The following RBFOX1 variants were observed in gnomAD, a reference collection of about 807,000 sequenced individuals.
RBFOX1 encodes RNA binding protein fox-1 homolog 1.
RBFOX1 carries 8 observed loss-of-function variants against 57.7 expected under a neutral mutation model. The ratio of observed to expected loss-of-function variants is 0.14; its 90% CI spans 0.08 to 0.25. The LOEUF is 0.25. Ranked by LOEUF, RBFOX1 falls within the 10% of genes least tolerant of loss-of-function variation. The probability of loss-of-function intolerance (pLI) is 1.00; values close to 1 mark genes in which losing one functional copy is unlikely to be tolerated. For synonymous variants in RBFOX1, 326 were observed against 222.4 expected, an observed-to-expected ratio of 1.47 and a Z score of -4.15; for missense variants, 611 against 548.5, an observed-to-expected ratio of 1.11 and a Z score of -1.14.
At chr16:6,269,310 T>C (rs895497892) in intron 1 of RBFOX1, among the ~76,000 whole-genome samples, 1 of 152,214 alleles carries the variant, frequency 6.6e-6, no homozygotes, top group African/African-American at 2.4e-5. Context: ...TGGAATATTT[T>C]TGATGTGTGG....
chr16:7,254,366 T>C (rs1194060161), intron 4 of RBFOX1, among the ~76,000 whole-genome samples: 1 of 152,128 alleles, frequency 6.6e-6, no homozygotes, highest in African/African-American at 2.4e-5. Context: ...GTTAATCGGG[T>C]TTATTGGATT....
chr16:6,753,531 C>T (rs1156924350), intron 3 of RBFOX1, among the ~76,000 whole-genome samples: 1 of 152,174 alleles, frequency 6.6e-6, no homozygotes, highest in African/African-American at 2.4e-5. Context: ...TGCCTGTTTT[C>T]TTCTTCTCTT....
At chr16:6,768,797 C>G (rs1327920798) in intron 3 of RBFOX1, among the ~76,000 whole-genome samples, 16 of 149,836 alleles carry the variant, frequency 1.1e-4, no homozygotes, top group Admixed American at 1.0e-3. Flanking sequence ...GGGGCGAACT[C>G]AGCTCACTGC....
At chr16:6,007,273 C>T (rs997710680) in intron 4 of RBFOX1, among the ~76,000 whole-genome samples, 2 of 152,214 alleles carry the variant, frequency 1.3e-5, no homozygotes, top group Non-Finnish European at 1.5e-5. Flanking sequence ...AAGTCAGTTT[C>T]CCGCTTGGAT....
Position 7,469,153 on chromosome 16 carries a change from C to G in RBFOX1, c.28-48994C>G, listed in dbSNP as rs141846107. ...GTTTGACCGTGTTAGCCAGGATGGT[C>G]TCAATCTCCTGACCTCATGATCTAC... On this transcript the variant is annotated intron_variant, in intron 4 of 15. Transcript: ENST00000550418. 2.6e-3 allele frequency among the ~76,000 whole-genome samples: 389 copies of G among 152,154 alleles called. 1 individual carries two copies. The highest frequency in any genetic ancestry group is 8.3e-3 in the African/African-American group (344 of 41,496).
At chr16:7,472,800 G>C (rs2061810848) in intron 4 of RBFOX1, among the ~76,000 whole-genome samples, 1 of 152,158 alleles carries the variant, frequency 6.6e-6, no homozygotes, top group African/African-American at 2.4e-5. Flanking sequence ...TTGTTTGGCA[G>C]AGTTTATTAG....
intron 4 of RBFOX1, among the ~76,000 whole-genome samples, chr16:5,989,964 T>G (rs1341914627): frequency 6.6e-6 from 1 of 151,736 alleles, no homozygotes; most frequent in South Asian, 2.1e-4. Context: ...TTGTGTTTCC[T>G]TCCTTGGAGA....
intron 3 of RBFOX1, among the ~76,000 whole-genome samples, chr16:5,740,350 C>T (rs1252298034): frequency 6.6e-6 from 1 of 152,196 alleles, no homozygotes; most frequent in African/African-American, 2.4e-5. Flanking sequence ...GCAGCACAGT[C>T]CCCCAGGCAC....
chr16:6,908,763 C>T (rs530624090), intron 3 of RBFOX1, among the ~76,000 whole-genome samples: 3 of 152,182 alleles, frequency 2.0e-5, no homozygotes, highest in Non-Finnish European at 4.4e-5. Context: ...ACTGTGCAAT[C>T]TGGGACCAAG....
At chr16:5,286,762 C>T (rs2063404958) in intron 1 of RBFOX1, among the ~76,000 whole-genome samples, 1 of 152,172 alleles carries the variant, frequency 6.6e-6, no homozygotes, top group Non-Finnish European at 1.5e-5. Context: ...GTCTAGATAA[C>T]CTCTGTTGCA....
intron 4 of RBFOX1, among the ~76,000 whole-genome samples, chr16:7,072,913 G>T (rs969175322): frequency 2.6e-5 from 4 of 152,214 alleles, no homozygotes; most frequent in Admixed American, 1.3e-4. Context: ...TGTGGAACCG[G>T]TTGCTACAGA....
chr16:6,361,308 G>C (rs1483094623), intron 2 of RBFOX1, among the ~76,000 whole-genome samples: 1 of 152,078 alleles, frequency 6.6e-6, no homozygotes, highest in Non-Finnish European at 1.5e-5. Context: ...TTAGACACCA[G>C]GAACAAGATT....
intron 3 of RBFOX1, among the ~76,000 whole-genome samples, chr16:5,637,562 T>A (rs2048724096): frequency 6.6e-6 from 1 of 152,240 alleles, no homozygotes; most frequent in Non-Finnish European, 1.5e-5. Context: ...CCTCAATAAA[T>A]CTAGTTTTAA....
intron 5 of RBFOX1, among the ~76,000 whole-genome samples, chr16:7,571,006 C>G (rs2092716250): frequency 1.3e-5 from 2 of 152,160 alleles, no homozygotes; most frequent in Non-Finnish European, 2.9e-5. Context: ...ACTGCATGTT[C>G]TCACTCATAA....
At chr16:6,823,640 C>G (rs915950073) in intron 3 of RBFOX1, among the ~76,000 whole-genome samples, 1 of 152,192 alleles carries the variant, frequency 6.6e-6, no homozygotes, top group Non-Finnish European at 1.5e-5. Flanking sequence ...GATTTTGAAT[C>G]TCCCTATTCT....
chr16:6,473,869 G>A (rs145444973), intron 2 of RBFOX1, among the ~76,000 whole-genome samples: 9 of 152,266 alleles, frequency 5.9e-5, no homozygotes, highest in East Asian at 3.9e-4. Flanking sequence ...TGATTGGTCC[G>A]AAGTTGGAGG....
At chr16:5,497,182 A>C (rs753744401) in intron 2 of RBFOX1, among the ~76,000 whole-genome samples, 2 of 152,190 alleles carry the variant, frequency 1.3e-5, no homozygotes, top group Non-Finnish European at 2.9e-5. Context: ...TTCAGCTTTC[A>C]CCGGGGTTGG....
intron 4 of RBFOX1, among the ~76,000 whole-genome samples, chr16:7,326,848 C>T (rs777367448): frequency 1.5e-4 from 23 of 152,160 alleles, no homozygotes; most frequent in Non-Finnish European, 3.4e-4. Flanking sequence ...ACATAGGTAG[C>T]TCTCAGTGGT....
chr16:7,014,692 A>G (rs769490699), intron 3 of RBFOX1, among the ~76,000 whole-genome samples: 4 of 151,952 alleles, frequency 2.6e-5, no homozygotes, highest in Non-Finnish European at 4.4e-5. Context: ...CTTGAGTGAG[A>G]GAGAGTGGAT....
Sources: gnomAD v4.1 joint callset for allele counts (sites outside exome capture counted in the v4.1 genomes callset) on GRCh38, gnomAD v4.1.1 for gene constraint, MANE v1.5 for transcripts, NCBI Gene and HGNC (gene_info 2026-07-23, HGNC 2026-07-21) for gene names.